Variants in CDK5RAP2 observed in about 807,000 individuals in gnomAD.
The protein encoded by CDK5RAP2 is CDK5 regulatory subunit associated protein 2.
In CDK5RAP2, 147 loss-of-function variants were observed where a neutral mutation model predicts 232.9. That is an observed-to-expected ratio of 0.63 (90% CI 0.55 to 0.72). The LOEUF (loss-of-function observed/expected upper bound fraction) is 0.72. Among genes scored for constraint, CDK5RAP2 ranks in the 30% least tolerant of loss-of-function variants. The pLI is 0.00. For missense variants in CDK5RAP2, 2,195 were observed against 2,231.5 expected, an observed-to-expected ratio of 0.98 and a Z score of 0.33; for synonymous variants, 833 against 833.7, an observed-to-expected ratio of 1.00 and a Z score of 0.01.
chr9:120,502,901 CA>C (rs1289908581), intron 12 of CDK5RAP2, among the ~76,000 whole-genome samples: 1 of 152,190 alleles, frequency 6.6e-6, no homozygotes, highest in African/African-American at 2.4e-5. Context: ...AGCTATGAAC[CA>C]AACACAGGCC....
At chr9:120,551,949 A>G (rs1302295343) in intron 3 of CDK5RAP2, among the ~76,000 whole-genome samples, 1 of 152,202 alleles carries the variant, frequency 6.6e-6, no homozygotes, top group African/African-American at 2.4e-5. Flanking sequence ...CTCATCTGAC[A>G]AAGGGCTAAT....
chr9:120,577,156 G>A (rs2043064630), intron 1 of CDK5RAP2, among the ~76,000 whole-genome samples: 1 of 152,094 alleles, frequency 6.6e-6, no homozygotes, highest in Admixed American at 6.5e-5. Flanking sequence ...GAGGCCAGGA[G>A]TTCAAGACCA....
chr9:120,559,488 CAAAAAAAA>C lies in CDK5RAP2; in HGVS notation c.196-8594_196-8587del, dbSNP rs558274119. ...GGCAACACAGAGCAAGACTCTGTCT[CAAAAAAAA>C]AAAAAAAAAAAAGAAAACAAAGAAT... On this transcript the variant is annotated intron_variant, in intron 3 of 37. Coordinates refer to ENST00000349780, the MANE Select transcript of CDK5RAP2 (RefSeq NM_018249.6). Among the ~76,000 whole-genome samples, 4 of 48,904 alleles carry C rather than the reference CAAAAAAAA, an allele frequency of 8.2e-5. No individual in the cohort carries two copies. The East Asian group carries it at 2.0e-3, about 24-fold the overall frequency. The allele number at this position is 48,904 out of a possible 152,430, so 32.1% of individuals were successfully genotyped here. A position where few individuals can be genotyped will look rare whatever the true frequency, so the allele number is the denominator to read the frequency against.
At chr9:120,545,667 A>G (rs1402937950) in intron 5 of CDK5RAP2, 47 bp downstream of exon 5, 14 of 1,423,964 alleles carry the variant, frequency 9.8e-6, no homozygotes, top group Non-Finnish European at 1.4e-5. Context: ...TCACTGACCA[A>G]CCCAGTGTGG....
intron 5 of CDK5RAP2, among the ~76,000 whole-genome samples, chr9:120,544,011 T>C (rs1363211574): frequency 6.6e-6 from 1 of 152,192 alleles, no homozygotes; most frequent in Non-Finnish European, 1.5e-5. Context: ...TACATCTGTT[T>C]GCATCACCAC....
intron 7 of CDK5RAP2, among the ~76,000 whole-genome samples, chr9:120,535,899 A>C (rs1038630238): frequency 1.3e-5 from 2 of 152,208 alleles, no homozygotes; most frequent in African/African-American, 4.8e-5. Context: ...TATAAGTCAC[A>C]CGAAATTCAC....
intron 11 of CDK5RAP2, among the ~76,000 whole-genome samples, chr9:120,524,716 A>G (rs2040823330): frequency 6.6e-6 from 1 of 152,056 alleles, no homozygotes; most frequent in African/African-American, 2.4e-5. Flanking sequence ...AAATGAGATA[A>G]TCCACATATC....
intron 4 of CDK5RAP2, among the ~76,000 whole-genome samples, chr9:120,550,240 G>A (rs1248139758): frequency 2.0e-5 from 3 of 152,178 alleles, no homozygotes; most frequent in Non-Finnish European, 4.4e-5. Context: ...CAGGAATACC[G>A]AAGAGTCCTA....
At chr9:120,519,545 A>G (rs1040463233) in intron 11 of CDK5RAP2, among the ~76,000 whole-genome samples, 1 of 152,226 alleles carries the variant, frequency 6.6e-6, no homozygotes, top group Non-Finnish European at 1.5e-5. Flanking sequence ...ACTCTGTAAA[A>G]ACCACAACCT....
At chr9:120,459,577 A>C (rs1213122354) in intron 19 of CDK5RAP2, among the ~76,000 whole-genome samples, 2 of 152,220 alleles carry the variant, frequency 1.3e-5, no homozygotes, top group Non-Finnish European at 2.9e-5. Flanking sequence ...TGTCTAGAAT[A>C]ATAAAAATAA....
chr9:120,471,651 C>T, intron 16 of CDK5RAP2, 97 bp downstream of exon 16: 1 of 1,550,350 alleles, frequency 6.5e-7, no homozygotes, highest in Non-Finnish European at 8.9e-7. Flanking sequence ...CCCGTGTATG[C>T]TTCATCCCTT....
intron 3 of CDK5RAP2, among the ~76,000 whole-genome samples, chr9:120,565,399 A>G (rs972435961): frequency 1.4e-4 from 22 of 152,110 alleles, no homozygotes; most frequent in Non-Finnish European, 1.6e-4. Context: ...TCTTCTCCTC[A>G]TAGTCACCAG....
intron 6 of CDK5RAP2, among the ~76,000 whole-genome samples, chr9:120,537,273 T>G (rs1039889792): frequency 1.3e-5 from 2 of 152,074 alleles, no homozygotes; most frequent in African/African-American, 4.8e-5. Context: ...ATCTATAAAA[T>G]AGGGATAACC....
intron 36 of CDK5RAP2, 151 bp downstream of exon 36, chr9:120,394,361 G>A: frequency 7.9e-7 from 1 of 1,265,732 alleles, no homozygotes; most frequent in Non-Finnish European, 1.1e-6. Flanking sequence ...GTCTATGTGA[G>A]TCAGAAAGGA....
chr9:120,441,522 T>G (rs886663287), intron 23 of CDK5RAP2, among the ~76,000 whole-genome samples: 1 of 152,224 alleles, frequency 6.6e-6, no homozygotes, highest in African/African-American at 2.4e-5. Context: ...GGAGATGCCC[T>G]TCACCGGAGG....
intron 25 of CDK5RAP2, among the ~76,000 whole-genome samples, chr9:120,436,601 C>A (rs983264698): frequency 6.6e-6 from 1 of 152,110 alleles, no homozygotes; most frequent in Admixed American, 6.5e-5. Context: ...CCTGAATTAT[C>A]TAGGGAGAAA....
intron 18 of CDK5RAP2, among the ~76,000 whole-genome samples, chr9:120,466,140 C>CT (rs1378290834): frequency 1.3e-5 from 2 of 152,108 alleles, no homozygotes; most frequent in Non-Finnish European, 2.9e-5. Flanking sequence ...TTATAGTCTC[C>CT]TACAGAACAG....
Position 120,527,802 on chromosome 9 carries a change from A to C in CDK5RAP2, c.999+4T>G, listed in dbSNP as rs774083347. The C allele has an allele frequency of 6.2e-7, 1 of 1,613,266 alleles. No individual in the cohort carries two copies. Among genetic ancestry groups the C allele is most frequent in the Admixed American group, 1.7e-5 (1 of 60,024 alleles). On this transcript the variant is annotated splice_donor_region_variant and intron_variant, in intron 10 of 37. Transcript: ENST00000349780. ...AAATCTTACTTCAAGTGTATCAGAC[A>C]TACCTTTTTTTCCTTTGATTTTAAT...
intron 18 of CDK5RAP2, among the ~76,000 whole-genome samples, chr9:120,460,944 C>T (rs1209513115): frequency 6.6e-6 from 1 of 152,192 alleles, no homozygotes; most frequent in Non-Finnish European, 1.5e-5. Flanking sequence ...CTTGCATGGC[C>T]TTTCCTGAGC....
Sources: gnomAD v4.1 joint callset for allele counts (sites outside exome capture counted in the v4.1 genomes callset) on GRCh38, gnomAD v4.1.1 for gene constraint, MANE v1.5 for transcripts, NCBI Gene and HGNC (gene_info 2026-07-23, HGNC 2026-07-21) for gene names.